Variants in UGT1A9 observed in about 807,000 individuals in gnomAD.
The protein encoded by UGT1A9 is UDP glucuronosyltransferase family 1 member A9.
UGT1A9 carries 35 observed loss-of-function variants against 45.0 expected under a neutral mutation model. The observed-to-expected ratio is 0.78, with a 90% CI of 0.59 to 1.03. The LOEUF (loss-of-function observed/expected upper bound fraction) is 1.03, where lower values mean the gene tolerates loss of function less well. Among genes scored for constraint, UGT1A9 ranks in the 50% least tolerant of loss-of-function variants. The pLI is 0.00. For synonymous variants in UGT1A9, 278 were observed against 250.6 expected (o/e 1.11, Z -1.03); for missense variants, 687 against 666.6 (o/e 1.03, Z -0.34).
At chr2:233,759,644 C>A (rs34916116) in intron 1 of UGT1A9, among the ~76,000 whole-genome samples, 5,494 of 124,518 alleles carry the variant, frequency 0.044, 131 homozygotes, top group Non-Finnish European at 0.061. Flanking sequence ...TAGCATGCTT[C>A]ACGATTTCTA....
At chr2:233,768,004 T>C in intron 3 of UGT1A9, 68 bp downstream of exon 3, 1 of 1,614,092 alleles carries the variant, frequency 6.2e-7, no homozygotes, top group South Asian at 1.1e-5. Context: ...TAAGCACAGC[T>C]ATTCTAAAGG....
At chr2:233,730,131 C>T (rs2077990612) in intron 1 of UGT1A9, 1 of 1,535,524 alleles carries the variant, frequency 6.5e-7, no homozygotes, top group Middle Eastern at 2.3e-4. Context: ...TAATAGCCTT[C>T]AGTGAGATAA....
chr2:233,772,483 G>A lies in UGT1A9; in HGVS notation c.1517G>A (p.Cys506Tyr), dbSNP rs1700526717. The A allele has an allele frequency of 1.2e-6, 2 of 1,614,146 alleles. No individual in the cohort carries two copies. Among genetic ancestry groups the A allele is most frequent in the Non-Finnish European group, 1.7e-6 (2 of 1,180,048 alleles). Reference protein sequence around the residue: ...VLTVAFITFKCCAYGYRKCLG... With the variant: ...VLTVAFITFKYCAYGYRKCLG... ...ACAGTGGCCTTCATCACCTTTAAAT[G>A]TTGTGCTTATGGCTACCGGAAATGC... The change falls in exon 5 of 5, where the codon TGT becomes TAT. Residue 506 changes from cysteine to tyrosine, a missense_variant. Cys to Tyr is a radical substitution (Grantham distance 194, BLOSUM62 -2). Transcript: ENST00000354728.
At position 233,713,085 on chromosome 2, in the gene UGT1A9, C is replaced by T. The variant is rs148617766; in HGVS notation, c.855+40296C>T. On this transcript the variant is annotated intron_variant, in intron 1 of 4. Transcript: ENST00000354728. ...GCCCTGGGCTGAGAGTGGGAAGGTGCTGGTGGTGCCCACTGATGGCAGCCA... is the reference window on the plus strand; with the variant it reads ...GCCCTGGGCTGAGAGTGGGAAGGTGTTGGTGGTGCCCACTGATGGCAGCCA... 296 of 1,614,186 alleles carry T rather than the reference C, an allele frequency of 1.8e-4. No homozygotes were observed. In the African/African-American group the frequency reaches 3.6e-3, roughly 19 times the overall value.
chr2:233,683,088 T>C (rs1486905102), intron 1 of UGT1A9, among the ~76,000 whole-genome samples: 3 of 152,330 alleles, frequency 2.0e-5, no homozygotes, highest in East Asian at 1.9e-4. Context: ...CTTCCCTTTT[T>C]TTGCTAATTC....
At chr2:233,719,152 C>A in intron 1 of UGT1A9, 1 of 1,614,260 alleles carries the variant, frequency 6.2e-7, no homozygotes. Flanking sequence ...AAGAGATATT[C>A]TAGAAGTATG....
chr2:233,714,820 C>T (rs543886758), intron 1 of UGT1A9, among the ~76,000 whole-genome samples: 1 of 152,254 alleles, frequency 6.6e-6, no homozygotes, highest in Admixed American at 6.5e-5. Context: ...TAGTTAGTGA[C>T]AACAATATGG....
chr2:233,766,580 G>A (rs1699191238), intron 1 of UGT1A9, among the ~76,000 whole-genome samples: 1 of 152,180 alleles, frequency 6.6e-6, no homozygotes, highest in Admixed American at 6.5e-5. Context: ...AGGTCTGGGG[G>A]TGGAGCCCTC....
chr2:233,729,648 G>A lies in UGT1A9; in HGVS notation c.856-37386G>A, dbSNP rs777442066. 3.1e-6 allele frequency: 5 copies of A among 1,613,800 alleles called. No homozygotes were observed. In the South Asian group the frequency reaches 5.5e-5, roughly 18 times the overall value. On this transcript the variant is annotated intron_variant, in intron 1 of 4. Coordinates refer to ENST00000354728, the MANE Select transcript of UGT1A9 (RefSeq NM_021027.3). ...CGATTCCTACTGTGTTTTTTTTGAG[G>A]AACATTCCATGTGATTTAGACTTTA... is the stretch of plus-strand genomic sequence containing the variant.
At chr2:233,690,816 C>T (rs1482540145) in intron 1 of UGT1A9, 2 of 1,075,496 alleles carry the variant, frequency 1.9e-6, no homozygotes, top group African/African-American at 3.4e-5. Flanking sequence ...TTAGTACAGT[C>T]AAAGCTCACA....
intron 1 of UGT1A9, among the ~76,000 whole-genome samples, chr2:233,704,424 T>C (rs536183058): frequency 6.6e-6 from 1 of 152,286 alleles, no homozygotes; most frequent in South Asian, 2.1e-4. Flanking sequence ...CCAACTTAAT[T>C]CCAGTTAAAT....
intron 1 of UGT1A9, chr2:233,752,598 T>G (rs1695013249): frequency 6.6e-6 from 1 of 152,212 alleles, no homozygotes. Flanking sequence ...CAAGATTTTT[T>G]TTAAAAAAAC....
At chr2:233,687,024 T>A (rs1274235923) in intron 1 of UGT1A9, among the ~76,000 whole-genome samples, 1 of 152,198 alleles carries the variant, frequency 6.6e-6, no homozygotes, top group Non-Finnish European at 1.5e-5. Flanking sequence ...AGGAGGTGGT[T>A]CAATGTAGTG....
At chr2:233,675,651 CAT>C (rs1329015042) in intron 1 of UGT1A9, among the ~76,000 whole-genome samples, 1 of 152,160 alleles carries the variant, frequency 6.6e-6, no homozygotes, top group Admixed American at 6.5e-5. Context: ...AGTTTTCAAA[CAT>C]ACACAATGGA....
intron 1 of UGT1A9, among the ~76,000 whole-genome samples, chr2:233,722,756 G>T (rs2077034440): frequency 6.6e-6 from 1 of 151,434 alleles, no homozygotes; most frequent in African/African-American, 2.4e-5. Context: ...TGTCTATAAG[G>T]CTGTTACCTA....
intron 1 of UGT1A9, among the ~76,000 whole-genome samples, chr2:233,679,795 T>G (rs1434455413): frequency 6.6e-6 from 1 of 152,176 alleles, no homozygotes; most frequent in Non-Finnish European, 1.5e-5. Flanking sequence ...ATTCTTCACC[T>G]CTCTTTTGCT....
At chr2:233,756,421 TG>T (rs1436391565) in intron 1 of UGT1A9, 1 of 152,148 alleles carries the variant, frequency 6.6e-6, no homozygotes, top group African/African-American at 2.4e-5. Flanking sequence ...TTATTTGTAC[TG>T]TTTTTTTTTC....
At chr2:233,756,093 T>C (rs1696120614) in intron 1 of UGT1A9, 1 of 152,228 alleles carries the variant, frequency 6.6e-6, no homozygotes, top group Admixed American at 6.5e-5. Flanking sequence ...TCAAGTAACA[T>C]TATTACGGAA....
chr2:233,678,070 G>A (rs1461872857), intron 1 of UGT1A9, among the ~76,000 whole-genome samples: 1 of 152,192 alleles, frequency 6.6e-6, no homozygotes, highest in Non-Finnish European at 1.5e-5. Context: ...TACAGGCACA[G>A]AACACCAAAT....
Sources: gnomAD v4.1 joint callset for allele counts (sites outside exome capture counted in the v4.1 genomes callset) on GRCh38, gnomAD v4.1.1 for gene constraint, MANE v1.5 for transcripts, NCBI Gene and HGNC (gene_info 2026-07-23, HGNC 2026-07-21) for gene names.